MACROD2: variants seen among roughly 807,000 people sequenced by gnomAD.
The protein encoded by MACROD2 is mono-ADP ribosylhydrolase 2.
A neutral mutation model predicts 70.4 loss-of-function variants in MACROD2; 36 were observed. The observed-to-expected ratio is 0.51, with a 90% CI of 0.39 to 0.68. MACROD2 has a LOEUF of 0.68. Ranked by LOEUF, MACROD2 falls within the 30% of genes least tolerant of loss-of-function variation. The probability of loss-of-function intolerance (pLI) is 0.00; values close to 1 mark genes in which losing one functional copy is unlikely to be tolerated. For missense variants in MACROD2, 496 were observed against 538.4 expected (o/e 0.92, Z 0.78); for synonymous variants, 172 against 178.8 (o/e 0.96, Z 0.30).
rs546722690 is a variant in MACROD2, at chr20:15,862,779, T to G, written c.680T>G (p.Val227Gly). The G allele has an allele frequency of 1.9e-6, 3 of 1,613,202 alleles. No homozygotes were observed. Among genetic ancestry groups the G allele is most frequent in the Admixed American group, 3.3e-5 (2 of 59,846 alleles). Residue 227 changes from valine to glycine, a missense_variant, in exon 9 of 18, where the codon GTT becomes GGT. Val to Gly is a moderately radical substitution (Grantham distance 109). Coordinates refer to ENST00000684519, the MANE Select transcript of MACROD2 (RefSeq NM_001351661.2). ...DRIIFCVFLE[V>G]DFKIYKKKMN... ...ATCATTTTCTGTGTCTTCTTAGAAGTTGACTTCAAAATCTACAAAAAGAAA... is the reference window on the plus strand; with the variant it reads ...ATCATTTTCTGTGTCTTCTTAGAAGGTGACTTCAAAATCTACAAAAAGAAA...
At chr20:15,456,802 C>T (rs935158159) in intron 7 of MACROD2, among the ~76,000 whole-genome samples, 4 of 152,094 alleles carry the variant, frequency 2.6e-5, no homozygotes, top group Admixed American at 6.6e-5. Context: ...GGTTCCTTGT[C>T]GTGACCTAGA....
At chr20:14,945,293 G>A (rs2074422629) in intron 5 of MACROD2, among the ~76,000 whole-genome samples, 1 of 151,834 alleles carries the variant, frequency 6.6e-6, no homozygotes, top group South Asian at 2.1e-4. Context: ...TGCCAGGCTG[G>A]TCCTGAACTC....
intron 8 of MACROD2, among the ~76,000 whole-genome samples, chr20:15,557,752 T>C (rs548162083): frequency 2.0e-5 from 3 of 152,290 alleles, no homozygotes; most frequent in South Asian, 2.1e-4. Context: ...GAAGGGGGAA[T>C]TGGGCTTAAT....
At chr20:14,013,405 T>C (rs901175943) in intron 2 of MACROD2, among the ~76,000 whole-genome samples, 1 of 151,714 alleles carries the variant, frequency 6.6e-6, no homozygotes, top group Non-Finnish European at 1.5e-5. Context: ...CCCGAGTAGC[T>C]AGGACTACAG....
At chr20:14,469,378 A>T (rs536594369) in intron 3 of MACROD2, among the ~76,000 whole-genome samples, 1 of 150,030 alleles carries the variant, frequency 6.7e-6, no homozygotes, top group South Asian at 2.1e-4. Context: ...CTTCGTTTCA[A>T]CCTTGGTGAA....
chr20:14,970,179 G>A (rs1330549439), intron 5 of MACROD2, among the ~76,000 whole-genome samples: 1 of 152,074 alleles, frequency 6.6e-6, no homozygotes, highest in African/African-American at 2.4e-5. Flanking sequence ...AGCAAAGGGG[G>A]AAAAGCCCCT....
intron 8 of MACROD2, among the ~76,000 whole-genome samples, chr20:15,796,343 T>A (rs544791942): frequency 6.6e-6 from 1 of 152,318 alleles, no homozygotes; most frequent in African/African-American, 2.4e-5. Flanking sequence ...TTCATTGAGC[T>A]CTCTAATTTT....
chr20:14,818,577 G>C (rs2072800680), intron 5 of MACROD2, among the ~76,000 whole-genome samples: 1 of 152,036 alleles, frequency 6.6e-6, no homozygotes, highest in African/African-American at 2.4e-5. Context: ...ACCTATGAAA[G>C]AAAATAGGGA....
intron 8 of MACROD2, among the ~76,000 whole-genome samples, chr20:15,508,916 C>T (rs6074908): frequency 6.6e-6 from 1 of 152,146 alleles, no homozygotes; most frequent in African/African-American, 2.4e-5. Context: ...AGAACCAAAA[C>T]TGAAGCAAAA....
intron 5 of MACROD2, among the ~76,000 whole-genome samples, chr20:15,108,143 G>T (rs1235256217): frequency 6.6e-6 from 1 of 152,022 alleles, no homozygotes; most frequent in Non-Finnish European, 1.5e-5. Context: ...TGATACTGGG[G>T]TAAGTCACTT....
At chr20:15,041,787 T>C (rs2075358687) in intron 5 of MACROD2, among the ~76,000 whole-genome samples, 1 of 152,210 alleles carries the variant, frequency 6.6e-6, no homozygotes, top group Non-Finnish European at 1.5e-5. Context: ...ACTGTACCCT[T>C]CTTGCCATTG....
At chr20:14,954,744 T>TTATAAATA (rs2074508399) in intron 5 of MACROD2, among the ~76,000 whole-genome samples, 2 of 105,010 alleles carry the variant, frequency 1.9e-5, no homozygotes, top group East Asian at 3.2e-4. Flanking sequence ...AAATTATAAA[T>TTATAAATA]TATAAATATA....
chr20:15,631,182 G>A (rs2049285259), intron 8 of MACROD2, among the ~76,000 whole-genome samples: 1 of 152,194 alleles, frequency 6.6e-6, no homozygotes, highest in Non-Finnish European at 1.5e-5. Flanking sequence ...GGAGGGAAGA[G>A]GGATACTGCC....
At chr20:15,086,980 A>G (rs1401013642) in intron 5 of MACROD2, among the ~76,000 whole-genome samples, 11 of 152,098 alleles carry the variant, frequency 7.2e-5, no homozygotes, top group Non-Finnish European at 1.3e-4. Flanking sequence ...CTATCAGTGG[A>G]TATCCATGAT....
chr20:14,333,674 T>G (rs2082883897), intron 3 of MACROD2, among the ~76,000 whole-genome samples: 1 of 152,206 alleles, frequency 6.6e-6, no homozygotes, highest in African/African-American at 2.4e-5. Flanking sequence ...AAATTTCTAA[T>G]ATTTAAGTTT....
At chr20:14,736,686 C>A (rs780971328) in intron 5 of MACROD2, among the ~76,000 whole-genome samples, 18 of 151,988 alleles carry the variant, frequency 1.2e-4, no homozygotes, top group Non-Finnish European at 2.4e-4. Flanking sequence ...ATCATCATGA[C>A]GACTCTCTGA....
chr20:15,168,562 T>C (rs1195631024), intron 5 of MACROD2, among the ~76,000 whole-genome samples: 1 of 151,846 alleles, frequency 6.6e-6, no homozygotes, highest in South Asian at 2.1e-4. Context: ...AACAGATGCT[T>C]GTACACCAGC....
At chr20:14,302,650 G>GT (rs202137695) in intron 3 of MACROD2, among the ~76,000 whole-genome samples, 53 of 149,342 alleles carry the variant, frequency 3.5e-4, no homozygotes, top group Non-Finnish European at 4.8e-4. Flanking sequence ...ACTTGGAAGT[G>GT]TTTTTTTTGT....
intron 8 of MACROD2, among the ~76,000 whole-genome samples, chr20:15,735,980 A>G (rs1274672564): frequency 6.6e-6 from 1 of 152,168 alleles, no homozygotes. Flanking sequence ...ATATATATAC[A>G]TATATCTGAG....
Sources: allele counts gnomAD v4.1 joint callset (sites outside exome capture counted in the v4.1 genomes callset), GRCh38; gene constraint gnomAD v4.1.1; transcripts MANE v1.5; gene names NCBI Gene and HGNC (gene_info 2026-07-23, HGNC 2026-07-21).